DNASE1L3: variants seen among roughly 807,000 people sequenced by gnomAD.
DNASE1L3 encodes the protein deoxyribonuclease gamma.
DNASE1L3 carries 27 observed loss-of-function variants against 30.9 expected under a neutral mutation model. The ratio of observed to expected loss-of-function variants is 0.87; its 90% CI spans 0.64 to 1.20. DNASE1L3 has a LOEUF of 1.20. Ranked by LOEUF, DNASE1L3 falls within the 50% of genes most tolerant of loss-of-function variation. The pLI is 0.00. For synonymous variants in DNASE1L3, 135 were observed against 138.0 expected, an observed-to-expected ratio of 0.98 and a Z score of 0.15; for missense variants, 364 against 378.2, an observed-to-expected ratio of 0.96 and a Z score of 0.31.
At position 58,192,705 on chromosome 3, in the gene DNASE1L3, T is replaced by C; in HGVS notation, c.900A>G (p.Thr300=). 1 of 1,614,098 alleles carries C rather than the reference T, an allele frequency of 6.2e-7. No individual in the cohort carries two copies. Among genetic ancestry groups the C allele is most frequent in the Non-Finnish European group, 8.5e-7 (1 of 1,179,992 alleles). The change falls in exon 8 of 8, where the codon ACA becomes ACG. Residue 300 remains threonine (T), a synonymous_variant. Transcript: ENST00000394549. The surrounding 1 kb of genome is among the most constrained non-coding windows in gnomAD (Gnocchi z 4.8). The stretch of plus-strand genomic sequence containing the variant: ...CTTGGGTCTAGGAGCGTTTGCTCTT[T>C]GTTTTCTTCCTTAGAGTGACAGATT... ...SKKSVTLRKK[T]KSKRS
At chr3:58,208,459 G>C (rs895003087) in intron 1 of DNASE1L3, among the ~76,000 whole-genome samples, 153 bp from the exon 2 acceptor site, 1 of 152,146 alleles carries the variant, frequency 6.6e-6, no homozygotes, top group Non-Finnish European at 1.5e-5. Flanking sequence ...GAGGTAGGTA[G>C]GTGCTTTTGT....
intron 4 of DNASE1L3, among the ~76,000 whole-genome samples, chr3:58,201,857 C>T (rs187283441): frequency 9.3e-4 from 142 of 152,262 alleles, no homozygotes; most frequent in African/African-American, 3.2e-3. Flanking sequence ...CAAGGAGCAC[C>T]CTTTCTGCAG....
intron 4 of DNASE1L3, among the ~76,000 whole-genome samples, chr3:58,204,286 G>T (rs1407635304): frequency 1.3e-5 from 2 of 151,868 alleles, no homozygotes; most frequent in African/African-American, 4.8e-5. Flanking sequence ...GATTACAGGT[G>T]CGCACCACCA....
chr3:58,205,331 C>T (rs1268504998), intron 3 of DNASE1L3, 140 bp downstream of exon 3: 2 of 771,640 alleles, frequency 2.6e-6, no homozygotes, highest in East Asian at 5.2e-5. Context: ...GCATAGGCCC[C>T]TAGTTTTGAC....
intron 6 of DNASE1L3, among the ~76,000 whole-genome samples, chr3:58,195,658 T>C (rs1575495413): frequency 6.9e-6 from 1 of 145,086 alleles, no homozygotes; most frequent in Non-Finnish European, 1.5e-5. Context: ...TGTTTGTGTA[T>C]GCCTGTAATC....
At chr3:58,194,750 C>T (rs536883386) in intron 6 of DNASE1L3, among the ~76,000 whole-genome samples, 11 of 151,594 alleles carry the variant, frequency 7.3e-5, no homozygotes, top group African/African-American at 2.4e-4. Context: ...CTCAGCCTCC[C>T]GAGTAGCTGG....
intron 1 of DNASE1L3, among the ~76,000 whole-genome samples, chr3:58,209,453 A>C (rs1402554568): frequency 1.3e-5 from 2 of 152,178 alleles, no homozygotes; most frequent in African/African-American, 2.4e-5. Flanking sequence ...TTCCCATTGA[A>C]CAATCTTGTC....
intron 6 of DNASE1L3, among the ~76,000 whole-genome samples, chr3:58,196,458 C>T (rs2107369070): frequency 6.8e-6 from 1 of 148,066 alleles, no homozygotes; most frequent in South Asian, 2.2e-4. Flanking sequence ...GAGGCTGAGG[C>T]AGGAGAATGG....
chr3:58,208,127 G>C (rs1047407999), intron 2 of DNASE1L3, 91 bp downstream of exon 2: 1 of 1,262,114 alleles, frequency 7.9e-7, no homozygotes. Context: ...GGTCAAGTGC[G>C]GGATCTCACA....
chr3:58,199,624 A>G (rs2097399395), intron 5 of DNASE1L3, among the ~76,000 whole-genome samples: 1 of 151,650 alleles, frequency 6.6e-6, no homozygotes, highest in Non-Finnish European at 1.5e-5. Context: ...AGATTGCACC[A>G]TTGCACTCCA....
At chr3:58,202,924 T>A (rs1006625078) in intron 4 of DNASE1L3, among the ~76,000 whole-genome samples, 9 of 152,114 alleles carry the variant, frequency 5.9e-5, no homozygotes, top group Admixed American at 1.3e-4. Flanking sequence ...AAAAGCTATT[T>A]AAAAATTAGC....
intron 4 of DNASE1L3, among the ~76,000 whole-genome samples, chr3:58,202,903 C>T (rs147150608): frequency 6.6e-6 from 1 of 151,454 alleles, no homozygotes. Flanking sequence ...TAATTAAGAA[C>T]AAAAGTTCCA....
chr3:58,209,613 C>T (rs1481805791), intron 1 of DNASE1L3, among the ~76,000 whole-genome samples: 1 of 152,206 alleles, frequency 6.6e-6, no homozygotes, highest in African/African-American at 2.4e-5. Context: ...ATCCTCCTTC[C>T]CAGTGACAGC....
intron 6 of DNASE1L3, among the ~76,000 whole-genome samples, chr3:58,195,267 T>A (rs376746444): frequency 6.6e-6 from 1 of 152,202 alleles, no homozygotes; most frequent in South Asian, 2.1e-4. Context: ...TTTTCTCCGT[T>A]TATTTTATTT....
chr3:58,209,565 C>T (rs1005119686), intron 1 of DNASE1L3, among the ~76,000 whole-genome samples: 6 of 152,202 alleles, frequency 3.9e-5, no homozygotes, highest in South Asian at 4.1e-4. Flanking sequence ...CTGAGAGGCT[C>T]GTCCAAGGAA....
chr3:58,202,722 G>A (rs1367116357), intron 4 of DNASE1L3, among the ~76,000 whole-genome samples: 2 of 151,640 alleles, frequency 1.3e-5, no homozygotes, highest in African/African-American at 2.4e-5. Context: ...GGGTGGTGGC[G>A]CATGCCTGTA....
Position 58,197,755 on chromosome 3 carries a change from C to A in DNASE1L3, c.704+66G>T, listed in dbSNP as rs998514605. The stretch of plus-strand genomic sequence containing the variant: ...GGCGTGAGCCACAGTGCCCAGCCAC[C>A]TTGCGTCTTTCCTAGTGCACACCAA... On this transcript the variant is annotated intron_variant, in intron 6 of 7. Transcript: ENST00000394549. The surrounding 1 kb of genome is among the most constrained non-coding windows in gnomAD (Gnocchi z 5.3). 1 of 1,608,958 alleles carries A rather than the reference C, an allele frequency of 6.2e-7. No homozygotes were observed. The highest frequency in any genetic ancestry group is 1.3e-5 in the African/African-American group (1 of 74,918).
intron 1 of DNASE1L3, among the ~76,000 whole-genome samples, chr3:58,209,902 G>A (rs888918819): frequency 1.3e-5 from 2 of 152,220 alleles, no homozygotes; most frequent in African/African-American, 2.4e-5. Flanking sequence ...CTGGGAAAGG[G>A]TTAAGTTGCC....
At chr3:58,206,661 C>T (rs946976794) in intron 2 of DNASE1L3, among the ~76,000 whole-genome samples, 1 of 152,132 alleles carries the variant, frequency 6.6e-6, no homozygotes, top group Non-Finnish European at 1.5e-5. Flanking sequence ...TGAAAAGACT[C>T]GCCCCAGACT....
Sources: allele counts gnomAD v4.1 joint callset (sites outside exome capture counted in the v4.1 genomes callset), GRCh38; gene constraint gnomAD v4.1.1; non-coding constraint Gnocchi (gnomAD v3.1); transcripts MANE v1.5; gene names NCBI Gene and HGNC (gene_info 2026-07-23, HGNC 2026-07-21).